Variants in ADCY5 observed in about 807,000 individuals in gnomAD.
The protein encoded by ADCY5 is adenylate cyclase type 5.
ADCY5 carries 30 observed loss-of-function variants against 119.7 expected under a neutral mutation model. That is an observed-to-expected ratio of 0.25 (90% confidence interval 0.19 to 0.34). The LOEUF is 0.34. Ranked by LOEUF, ADCY5 falls within the 10% of genes least tolerant of loss-of-function variation. ADCY5 has a pLI of 1.00. For synonymous variants in ADCY5, 753 were observed against 762.2 expected (o/e 0.99, Z 0.20); for missense variants, 1,324 against 1,775.2 (o/e 0.75, Z 4.57).
intron 1 of ADCY5, chr3:123,416,040 C>G (rs1413126815): frequency 1.2e-6 from 1 of 822,926 alleles, no homozygotes; most frequent in South Asian, 2.1e-5. Flanking sequence ...ACCAAAAAAT[C>G]CAAGATAAAG....
Position 123,284,619 on chromosome 3 carries a change from G to A in ADCY5, c.3775C>T (p.Pro1259Ser). 6.2e-7 allele frequency: 1 copy of A among 1,614,246 alleles called. No homozygotes were observed. Among genetic ancestry groups the A allele is most frequent in the Non-Finnish European group, 8.5e-7 (1 of 1,180,036 alleles). The change falls in exon 21 of 21, where the codon CCG becomes TCG. Residue 1259 changes from proline to serine, a missense_variant. Transcript: ENST00000462833. ...MMTYFLNGGP[P>S]LS ...TTGGCCAACAGCTGCTAACTGAGCG[G>A]GGGCCCTCCATTGAGGAAGTAGGTC... is the stretch of plus-strand genomic sequence containing the variant.
chr3:123,331,647 C>T (rs1941766499), intron 4 of ADCY5, among the ~76,000 whole-genome samples: 1 of 152,114 alleles, frequency 6.6e-6, no homozygotes, highest in Admixed American at 6.5e-5. Context: ...ACCACCAATC[C>T]GTCAGTGGGA....
At chr3:123,383,698 G>A (rs1005422125) in intron 1 of ADCY5, among the ~76,000 whole-genome samples, 2 of 114,884 alleles carry the variant, frequency 1.7e-5, no homozygotes, top group Non-Finnish European at 3.5e-5. Context: ...GCACATCTCA[G>A]CTAGGGGGTT....
chr3:123,358,221 C>T (rs1470666647), intron 1 of ADCY5, among the ~76,000 whole-genome samples: 2 of 140,792 alleles, frequency 1.4e-5, no homozygotes, highest in African/African-American at 2.8e-5. Context: ...TGGCGGAGCA[C>T]GTGACATATA....
At chr3:123,389,328 CA>C in intron 1 of ADCY5, among the ~76,000 whole-genome samples, 1 of 152,212 alleles carries the variant, frequency 6.6e-6, no homozygotes, top group Middle Eastern at 3.4e-3. Flanking sequence ...AGATCCTTGC[CA>C]AAATGTCTGG....
At chr3:123,426,577 C>G (rs558490141) in intron 1 of ADCY5, among the ~76,000 whole-genome samples, 2 of 152,084 alleles carry the variant, frequency 1.3e-5, no homozygotes, top group Admixed American at 1.3e-4. Flanking sequence ...GTGATCTGCC[C>G]ATCTCAGCCT....
In ADCY5 at chr3:123,360,805, T is replaced by C. The variant is rs191850907; in HGVS notation, c.1135-8224A>G. On this transcript the variant is annotated intron_variant, in intron 1 of 20. Transcript: ENST00000462833. Reference sequence around the variant, plus strand: ...AAGAAAGACAAATATCTAGGAATGATTGGGTACAGCAATATATAGTCTGCA... The same window carrying C: ...AAGAAAGACAAATATCTAGGAATGACTGGGTACAGCAATATATAGTCTGCA... Among the ~76,000 whole-genome samples the C allele has an allele frequency of 3.8e-3, 581 of 152,288 alleles. 10 individuals carry two copies. Among genetic ancestry groups the C allele is most frequent in the South Asian group, 5.2e-3 (25 of 4,824 alleles).
At chr3:123,445,084 G>A (rs1288678536) in intron 1 of ADCY5, among the ~76,000 whole-genome samples, 1 of 152,194 alleles carries the variant, frequency 6.6e-6, no homozygotes, top group African/African-American at 2.4e-5. Context: ...GGAAATGTTT[G>A]CATTCCCTTG....
intron 1 of ADCY5, among the ~76,000 whole-genome samples, chr3:123,434,243 T>C (rs1320506578): frequency 6.6e-6 from 1 of 152,206 alleles, no homozygotes; most frequent in Non-Finnish European, 1.5e-5. Flanking sequence ...TGGGGTCGGT[T>C]CACCTCTCGG....
rs552850742 is a variant in ADCY5 at position 123,408,605 on chromosome 3, G to A, written c.1134+38807C>T. Among the ~76,000 whole-genome samples the A allele has an allele frequency of 4.1e-3, 624 of 151,004 alleles. 4 individuals are homozygous for A. Among genetic ancestry groups the A allele is most frequent in the African/African-American group, 0.015 (601 of 41,088 alleles). ...CAGGAGGCGCAGGTTGCAGTGAGCC[G>A]AGATGGCGCCACTGCACTCCAGCCT... is the stretch of plus-strand genomic sequence containing the variant. On this transcript the variant is annotated intron_variant, in intron 1 of 20. Transcript: ENST00000462833.
intron 1 of ADCY5, among the ~76,000 whole-genome samples, chr3:123,419,980 T>G (rs1331200193): frequency 2.0e-5 from 3 of 151,590 alleles, no homozygotes; most frequent in Non-Finnish European, 4.4e-5. Context: ...GGGTGAAGCC[T>G]GCACCATCCT....
At chr3:123,337,333 C>T (rs973390863) in intron 3 of ADCY5, among the ~76,000 whole-genome samples, 4 of 152,182 alleles carry the variant, frequency 2.6e-5, no homozygotes, top group Admixed American at 1.3e-4. Context: ...CTGCTCTGCA[C>T]CCTGCCTGAC....
intron 1 of ADCY5, among the ~76,000 whole-genome samples, chr3:123,396,061 G>GGAGAGAGA (rs1559859667): frequency 0.015 from 304 of 19,914 alleles, no homozygotes; most frequent in East Asian, 0.024. Flanking sequence ...AGGGAGGGAG[G>GGAGAGAGA]GTGGGAGGGA....
Position 123,448,252 on chromosome 3 carries a change from G to A in ADCY5, c.294C>T (p.Arg98=). The A allele has an allele frequency of 1.3e-6, 2 of 1,496,116 alleles. No individual in the cohort carries two copies. Among genetic ancestry groups the A allele is most frequent in the Non-Finnish European group, 8.8e-7 (1 of 1,129,952 alleles). 92.7% of individuals were successfully genotyped at this position (1,496,116 alleles called of 1,614,324 possible). A position where few individuals can be genotyped will look rare whatever the true frequency, so the allele number is the denominator to read the frequency against. ...PLAGGFGFSF[R]SKSAWQERGG... is the part of the protein sequence containing the mutation. The stretch of plus-strand genomic sequence containing the variant: ...CGCGCTCCTGCCAGGCGGACTTGGA[G>A]CGGAAGCTGAAGCCGAAGCCCCCGG... The change falls in exon 1 of 21, where the codon CGC becomes CGT. Residue 98 remains arginine, a synonymous_variant. Coordinates refer to ENST00000462833, the MANE Select transcript of ADCY5 (RefSeq NM_183357.3).
intron 3 of ADCY5, among the ~76,000 whole-genome samples, chr3:123,337,927 AG>A (rs1942095110): frequency 6.6e-6 from 1 of 152,184 alleles, no homozygotes; most frequent in Admixed American, 6.5e-5. Context: ...TGTCCCACAA[AG>A]CCTCTTGGAG....
chr3:123,397,706 GA>G (rs919717149), intron 1 of ADCY5, among the ~76,000 whole-genome samples: 1 of 152,186 alleles, frequency 6.6e-6, no homozygotes, highest in African/African-American at 2.4e-5. Flanking sequence ...GTTCTGCAGG[GA>G]AGATCTTCTT....
At chr3:123,396,146 GAAAAGGGAAGAAAAGAAAAGAGAAGA>G (rs1944555453) in intron 1 of ADCY5, among the ~76,000 whole-genome samples, 1 of 133,048 alleles carries the variant, frequency 7.5e-6, no homozygotes, top group Admixed American at 7.8e-5. Context: ...AAAAAGAAGA[GAAAAGGGAAGAAAAGAAAAGAGAAGA>G]AGGGAGGGAG....
intron 1 of ADCY5, among the ~76,000 whole-genome samples, chr3:123,386,575 A>G (rs940624405): frequency 1.3e-5 from 2 of 152,124 alleles, no homozygotes; most frequent in Non-Finnish European, 2.9e-5. Context: ...CACTCTCAAA[A>G]GAGTCCTGGT....
chr3:123,346,893 C>T (rs945120148), intron 3 of ADCY5, among the ~76,000 whole-genome samples: 10 of 152,146 alleles, frequency 6.6e-5, no homozygotes, highest in African/African-American at 1.4e-4. Context: ...GCCACTGTAT[C>T]GCTTCGTGTC....
Sources: allele counts gnomAD v4.1 joint callset (sites outside exome capture counted in the v4.1 genomes callset), GRCh38; gene constraint gnomAD v4.1.1; transcripts MANE v1.5; gene names NCBI Gene and HGNC (gene_info 2026-07-23, HGNC 2026-07-21).